Variants in FUT8 observed in about 807,000 individuals in gnomAD.
FUT8 encodes the protein fucosyltransferase 8, also known as alpha-(1,6)-fucosyltransferase.
A neutral mutation model predicts 71.3 loss-of-function variants in FUT8; 29 were observed. That is an observed-to-expected ratio of 0.41 (90% CI 0.30 to 0.55). The LOEUF (loss-of-function observed/expected upper bound fraction) is 0.55. Among genes scored for constraint, FUT8 ranks in the 20% least tolerant of loss-of-function variants. The pLI is 0.34. For synonymous variants in FUT8, 254 were observed against 239.3 expected (o/e 1.06, Z -0.57); for missense variants, 544 against 702.1 (o/e 0.77, Z 2.55).
chr14:65,693,379 C>G (rs375308328), intron 7 of FUT8, among the ~76,000 whole-genome samples: 80 of 152,234 alleles, frequency 5.3e-4, no homozygotes, highest in South Asian at 2.5e-3. Flanking sequence ...TGGCGGCGCG[C>G]GCCTGCAATC....
intron 5 of FUT8, among the ~76,000 whole-genome samples, chr14:65,617,831 C>G (rs941099271): frequency 1.3e-5 from 2 of 151,758 alleles, no homozygotes; most frequent in African/African-American, 4.8e-5. Context: ...GTGATCCCAG[C>G]TACTTGGGAG....
intron 5 of FUT8, among the ~76,000 whole-genome samples, chr14:65,625,104 G>A (rs1268227320): frequency 1.8e-5 from 2 of 111,644 alleles, no homozygotes; most frequent in African/African-American, 3.2e-5. Flanking sequence ...TAAATGTAAA[G>A]TTGAGACTTG....
At chr14:65,439,037 C>G (rs1490034480) in intron 1 of FUT8, among the ~76,000 whole-genome samples, 1 of 152,124 alleles carries the variant, frequency 6.6e-6, no homozygotes, top group Admixed American at 6.5e-5. Context: ...TTAGTTGATA[C>G]AGATTGGTTT....
At chr14:65,673,800 A>G (rs1892585656) in intron 7 of FUT8, among the ~76,000 whole-genome samples, 1 of 152,074 alleles carries the variant, frequency 6.6e-6, no homozygotes, top group African/African-American at 2.4e-5. Context: ...TGTTTTTTTG[A>G]TTTTGGTTTA....
intron 2 of FUT8, among the ~76,000 whole-genome samples, chr14:65,492,118 A>G (rs1294321225): frequency 3.3e-5 from 5 of 152,242 alleles, no homozygotes; most frequent in Admixed American, 3.3e-4. Context: ...GTGCCTAATT[A>G]TACAATTGTT....
intron 6 of FUT8, among the ~76,000 whole-genome samples, chr14:65,663,283 T>C (rs1892058944): frequency 6.6e-6 from 1 of 152,130 alleles, no homozygotes; most frequent in African/African-American, 2.4e-5. Flanking sequence ...GGAACTATGC[T>C]GAATAACAAA....
chr14:65,383,096 C>T, the FUT8 span, among the ~76,000 whole-genome samples: 8 of 152,062 alleles, frequency 5.3e-5, no homozygotes, highest in East Asian at 1.9e-4. Context: ...CACCAACCAA[C>T]GCCCCATTTT....
Position 65,485,282 on chromosome 14 carries a change from A to G in FUT8, c.-228+29564A>G, listed in dbSNP as rs549103867. On this transcript the variant is annotated intron_variant, in intron 2 of 10. Transcript: ENST00000673929. ...TTCATGCCTCTTTGCATATCTGGTA[A>G]TCTTCAGCTGACAGACATTGTGAAT... is the stretch of plus-strand genomic sequence containing the variant. 2.0e-5 allele frequency among the ~76,000 whole-genome samples: 3 copies of G among 152,252 alleles called. No homozygotes were observed. In the South Asian group the frequency reaches 6.2e-4, roughly 32 times the overall value.
chr14:65,375,392 G>A, the FUT8 span, among the ~76,000 whole-genome samples: 1 of 152,208 alleles, frequency 6.6e-6, no homozygotes, highest in South Asian at 2.1e-4. Flanking sequence ...GGCTGAGGAG[G>A]GAGGATTGTT....
intron 2 of FUT8, among the ~76,000 whole-genome samples, chr14:65,480,396 C>A (rs1411536944): frequency 6.6e-6 from 1 of 150,670 alleles, no homozygotes; most frequent in South Asian, 2.1e-4. Context: ...CTCACTGCAG[C>A]CTCAACCTCC....
chr14:65,435,210 T>C (rs994709603), intron 1 of FUT8, among the ~76,000 whole-genome samples: 1 of 152,218 alleles, frequency 6.6e-6, no homozygotes, highest in Non-Finnish European at 1.5e-5. Flanking sequence ...AAATATAATA[T>C]ACAATGTAAA....
intron 2 of FUT8, among the ~76,000 whole-genome samples, chr14:65,517,189 A>G (rs1882769129): frequency 6.6e-6 from 1 of 152,058 alleles, no homozygotes; most frequent in Non-Finnish European, 1.5e-5. Context: ...GTATGCAAGT[A>G]TCTGTTTGAG....
chr14:65,406,889 T>G (rs114314777), upstream of FUT8, among the ~76,000 whole-genome samples: 1,586 of 152,296 alleles, frequency 0.01, 30 homozygotes, highest in African/African-American at 0.037. Flanking sequence ...GATTGGATCT[T>G]GCAATGAGGT....
chr14:65,658,142 T>C (rs1487126522), intron 6 of FUT8, among the ~76,000 whole-genome samples: 4 of 151,972 alleles, frequency 2.6e-5, no homozygotes, highest in Non-Finnish European at 4.4e-5. Flanking sequence ...AATTAGAAAA[T>C]AGGCAAAAGT....
rs180894333 is a variant in FUT8, at chr14:65,598,284, G to A, written c.204-17694G>A. On this transcript the variant is annotated intron_variant, in intron 3 of 10. Transcript: ENST00000673929. Reference sequence around the variant, plus strand: ...GTTGCCCGGGCTGGAGTGTAGTGGCGTGATCTCAGCTCACTGCAACCTCTG... The same window carrying A: ...GTTGCCCGGGCTGGAGTGTAGTGGCATGATCTCAGCTCACTGCAACCTCTG... 6.6e-5 allele frequency among the ~76,000 whole-genome samples: 10 copies of A among 151,888 alleles called. No homozygotes were observed. The East Asian group carries it at 9.7e-4, about 15-fold the overall frequency.
chr14:65,678,427 G>T lies in FUT8; in HGVS notation c.835+8947G>T, dbSNP rs1312114327. Among the ~76,000 whole-genome samples, 3 of 152,206 alleles carry T rather than the reference G, an allele frequency of 2.0e-5. 1 individual carries two copies. Among genetic ancestry groups the T allele is most frequent in the South Asian group, 4.1e-4 (2 of 4,830 alleles). Reference sequence around the variant, plus strand: ...AAAATATGCTCCTAATCAAGGAGCTGACCAGTTTCTCTTAGTTTCTGGGAC... The same window carrying T: ...AAAATATGCTCCTAATCAAGGAGCTTACCAGTTTCTCTTAGTTTCTGGGAC... On this transcript the variant is annotated intron_variant, in intron 7 of 10. Transcript: ENST00000673929.
chr14:65,360,638 C>T, the FUT8 span, among the ~76,000 whole-genome samples: 145 of 152,308 alleles, frequency 9.5e-4, 5 homozygotes, highest in South Asian at 0.013. Flanking sequence ...ATCCAGTATC[C>T]GGACTCTGTT....
intron 2 of FUT8, among the ~76,000 whole-genome samples, chr14:65,535,608 C>A (rs184463124): frequency 6.5e-4 from 99 of 152,222 alleles, no homozygotes; most frequent in Non-Finnish European, 1.2e-3. Flanking sequence ...TTTTCTTAGT[C>A]CCAACTTCTA....
chr14:65,418,066 A>G (rs2139370139), intron 1 of FUT8, among the ~76,000 whole-genome samples: 1 of 152,302 alleles, frequency 6.6e-6, no homozygotes, highest in Admixed American at 6.5e-5. Flanking sequence ...TTATTTTAGA[A>G]CCTGAGTAAT....
Sources: allele counts gnomAD v4.1 joint callset (sites outside exome capture counted in the v4.1 genomes callset), GRCh38; gene constraint gnomAD v4.1.1; transcripts MANE v1.5; gene names NCBI Gene and HGNC (gene_info 2026-07-23, HGNC 2026-07-21).